The following KIF20B variants were observed in gnomAD, a reference collection of about 807,000 sequenced individuals.
KIF20B encodes the protein kinesin-like protein KIF20B.
Under a neutral mutation model 232.5 loss-of-function variants are expected in KIF20B, and 188 were observed. The observed-to-expected ratio is 0.81, with a 90% CI of 0.72 to 0.91. The LOEUF is 0.91. Ranked by LOEUF, KIF20B falls within the 40% of genes least tolerant of loss-of-function variation. The probability of loss-of-function intolerance (pLI) is 0.00; values close to 1 mark genes in which losing one functional copy is unlikely to be tolerated. For missense variants in KIF20B, 2,154 were observed against 2,055.9 expected, an observed-to-expected ratio of 1.05 and a Z score of -0.92; for synonymous variants, 712 against 683.0, an observed-to-expected ratio of 1.04 and a Z score of -0.66.
chr10:89,773,173 G>A (rs1039097169), intron 32 of KIF20B, among the ~76,000 whole-genome samples: 2 of 151,588 alleles, frequency 1.3e-5, no homozygotes, highest in African/African-American at 4.8e-5. Flanking sequence ...AGTGTTCCTG[G>A]TAAAAATATA....
rs751049331 is a variant in KIF20B, at chr10:89,751,402, G to A, written c.4153G>A (p.Glu1385Lys). ...CATGCGAATGACACTAGAAGAACAG[G>A]AACAAACTCAGGTAGAACAGGATCA... is the stretch of plus-strand genomic sequence containing the variant. Reference protein sequence around the residue: ...EDMRMTLEEQEQTQVEQDQVL... With the variant: ...EDMRMTLEEQKQTQVEQDQVL... Residue 1385 changes from glutamate (E) to lysine (K), a missense_variant, in exon 24 of 33, where the codon GAA (glutamate) becomes AAA (lysine). Physicochemically the swap from Glu to Lys is moderately conservative, Grantham distance 56. Coordinates refer to ENST00000371728, the MANE Select transcript of KIF20B (RefSeq NM_001284259.2). The A allele has an allele frequency of 2.5e-6, 4 of 1,607,918 alleles. No homozygotes were observed. The highest frequency in any genetic ancestry group is 2.2e-5 in the South Asian group (2 of 89,360).
chr10:89,742,801 G>GA (rs1841831323), intron 21 of KIF20B, among the ~76,000 whole-genome samples: 4 of 148,670 alleles, frequency 2.7e-5, no homozygotes, highest in African/African-American at 1.0e-4. Context: ...CCGGGTTCAA[G>GA]CAATTCTTCT....
intron 17 of KIF20B, among the ~76,000 whole-genome samples, 183 bp from the exon 18 acceptor site, chr10:89,728,945 G>GTGTGTGTGTA (rs1443278085): frequency 1.2e-4 from 9 of 75,456 alleles, no homozygotes; most frequent in African/African-American, 4.9e-4. Flanking sequence ...GTGTGTGTGT[G>GTGTGTGTGTA]TGTATGTAAT....
intron 6 of KIF20B, among the ~76,000 whole-genome samples, chr10:89,712,098 A>G (rs1431462419): frequency 6.6e-6 from 1 of 150,728 alleles, no homozygotes; most frequent in East Asian, 1.9e-4. Flanking sequence ...TTCTTTGTCC[A>G]TTTATCTAGT....
rs1268037989 is a variant in KIF20B, at chr10:89,709,902, G to T, written c.352-25G>T. On this transcript the variant is annotated intron_variant, in intron 4 of 32. Coordinates refer to ENST00000371728, the MANE Select transcript of KIF20B (RefSeq NM_001284259.2). ...AATATTAACTTGAATTTTCTAAAAA[G>T]AGTTTTTAAAAAATGTTTGCTTAGG... 25 of 1,552,326 alleles carry T rather than the reference G, an allele frequency of 1.6e-5. No individual in the cohort carries two copies. In the East Asian group the frequency reaches 5.7e-4, roughly 35 times the overall value.
In KIF20B at chr10:89,768,853, T is replaced by A; in HGVS notation, c.5207T>A (p.Phe1736Tyr). The A allele has an allele frequency of 6.2e-7, 1 of 1,604,452 alleles. No homozygotes were observed. The highest frequency in any genetic ancestry group is 8.5e-7 in the Non-Finnish European group (1 of 1,176,870). ...GGAACACTACAGAAATTTGGAGACT[T>A]CTTACAACATTCTCCCTCAATTCTT... ...KEGTLQKFGD[F>Y]LQHSPSILQS... The change falls in exon 31 of 33, where the codon TTC becomes TAC. Residue 1736 changes from phenylalanine (F) to tyrosine (Y), a missense_variant. Coordinates refer to ENST00000371728, the MANE Select transcript of KIF20B (RefSeq NM_001284259.2).
rs754539821 is a variant in KIF20B at position 89,738,325 on chromosome 10, A to G, written c.3484A>G (p.Lys1162Glu). Residue 1162 changes from lysine to glutamate, a missense_variant, in exon 20 of 33, where the codon AAA becomes GAA. By Grantham distance (56) the Lys-to-Glu change is moderately conservative. Coordinates refer to ENST00000371728, the MANE Select transcript of KIF20B (RefSeq NM_001284259.2). ...ACAAGGTGTTACTTGCTATAAGGCA[A>G]AAATAAAGGAACTTGAAACAATTTT... ...LTQGVTCYKAKIKELETILET... is the reference protein window; with the variant it reads ...LTQGVTCYKAEIKELETILET... 2 of 1,611,792 alleles carry G rather than the reference A, an allele frequency of 1.2e-6. No homozygotes were observed. The highest frequency in any genetic ancestry group is 2.2e-5 in the South Asian group (2 of 90,298).
At chr10:89,720,765 G>A (rs1288366671) in intron 13 of KIF20B, among the ~76,000 whole-genome samples, 11 of 152,162 alleles carry the variant, frequency 7.2e-5, no homozygotes, top group African/African-American at 9.7e-5. Flanking sequence ...GAGTGCAATG[G>A]CACGATCTCG....
At chr10:89,742,176 A>G (rs1418593541) in intron 21 of KIF20B, among the ~76,000 whole-genome samples, 1 of 152,190 alleles carries the variant, frequency 6.6e-6, no homozygotes, top group Admixed American at 6.5e-5. Flanking sequence ...CTCACTGCAA[A>G]AGTTATGGCC....
intron 9 of KIF20B, 149 bp downstream of exon 9, chr10:89,716,696 ACTAAACACGTTTATCAATACTGTTT>A: frequency 3.4e-6 from 2 of 586,614 alleles, no homozygotes; most frequent in South Asian, 2.2e-5. Flanking sequence ...ACAGAATAAC[ACTAAACACGTTTATCAATACTGTTT>A]CCTGTCCTGA....
chr10:89,722,380 A>T (rs539759745), intron 13 of KIF20B, among the ~76,000 whole-genome samples: 7 of 152,164 alleles, frequency 4.6e-5, no homozygotes, highest in Admixed American at 3.3e-4. Context: ...GAAAACTATT[A>T]AACTTCCCGC....
At chr10:89,769,099 A>C (rs998590245) in intron 31 of KIF20B, among the ~76,000 whole-genome samples, 1 of 151,990 alleles carries the variant, frequency 6.6e-6, no homozygotes, top group African/African-American at 2.4e-5. Flanking sequence ...GTATTTAAGT[A>C]ACTGATCCAG....
chr10:89,706,368 G>A (rs1842722168), intron 2 of KIF20B, among the ~76,000 whole-genome samples: 1 of 152,082 alleles, frequency 6.6e-6, no homozygotes, highest in African/African-American at 2.4e-5. Context: ...TCCTTTATCA[G>A]ATTAATAGTG....
chr10:89,725,699 A>G (rs1231209648), intron 15 of KIF20B, among the ~76,000 whole-genome samples: 1 of 152,168 alleles, frequency 6.6e-6, no homozygotes, highest in Admixed American at 6.5e-5. Flanking sequence ...CCAGCCTCCC[A>G]GGTGGCTGAG....
chr10:89,772,511 CT>C (rs1842484076), intron 31 of KIF20B, among the ~76,000 whole-genome samples, 177 bp from the exon 32 acceptor site: 1 of 151,764 alleles, frequency 6.6e-6, no homozygotes, highest in African/African-American at 2.4e-5. Flanking sequence ...TTGACATTTA[CT>C]TTTTTTCTTT....
intron 5 of KIF20B, among the ~76,000 whole-genome samples, 196 bp from the exon 6 acceptor site, chr10:89,710,765 C>T (rs149124638): frequency 6.6e-6 from 1 of 152,212 alleles, no homozygotes; most frequent in East Asian, 1.9e-4. Context: ...ATGTTTACAT[C>T]AGAATAATAG....
intron 13 of KIF20B, among the ~76,000 whole-genome samples, chr10:89,721,871 T>C (rs1843066510): frequency 6.6e-6 from 1 of 152,186 alleles, no homozygotes; most frequent in South Asian, 2.1e-4. Flanking sequence ...AAATGTCTAA[T>C]ATTTGACATT....
At chr10:89,752,535 C>CTT in intron 24 of KIF20B, 32 bp from the exon 25 acceptor site, 1 of 1,534,024 alleles carries the variant, frequency 6.5e-7, no homozygotes, top group Non-Finnish European at 8.8e-7. Flanking sequence ...TTTGCATATG[C>CTT]TTTAAAACAT....
intron 27 of KIF20B, among the ~76,000 whole-genome samples, chr10:89,759,943 A>C (rs188631184): frequency 6.6e-6 from 1 of 152,254 alleles, no homozygotes; most frequent in African/African-American, 2.4e-5. Context: ...TTTCTTTATA[A>C]ATCGCCTAAG....
Sources: gnomAD v4.1 joint callset for allele counts (sites outside exome capture counted in the v4.1 genomes callset) on GRCh38, gnomAD v4.1.1 for gene constraint, MANE v1.5 for transcripts, NCBI Gene and HGNC (gene_info 2026-07-23, HGNC 2026-07-21) for gene names.